Variants in CDH23 observed in about 807,000 individuals in gnomAD.
The protein encoded by CDH23 is cadherin related 23, also known as cadherin-23.
Under a neutral mutation model 317.1 loss-of-function variants are expected in CDH23, and 189 were observed. That is an observed-to-expected ratio of 0.60 (90% CI 0.53 to 0.67). The LOEUF is 0.67. Ranked by LOEUF, CDH23 falls within the 30% of genes least tolerant of loss-of-function variation. The pLI, the probability that CDH23 is intolerant of heterozygous loss-of-function variation, is 0.00. For missense variants in CDH23, 4,401 were observed against 4,592.4 expected, an observed-to-expected ratio of 0.96 and a Z score of 1.20; for synonymous variants, 1,839 against 1,876.8, an observed-to-expected ratio of 0.98 and a Z score of 0.52.
rs867056335 is a variant in CDH23, at chr10:71,759,915, A to G, written c.4846-17765A>G. The stretch of plus-strand genomic sequence containing the variant: ...CACACACACATATATACACACACAC[A>G]TATATACACACACACATATATACAC... On this transcript the variant is annotated intron_variant, in intron 38 of 69. Coordinates refer to ENST00000224721, the MANE Select transcript of CDH23 (RefSeq NM_022124.6). 7.6e-3 allele frequency among the ~76,000 whole-genome samples: 540 copies of G among 70,630 alleles called. 28 individuals carry two copies. The highest frequency in any genetic ancestry group is 0.013 in the African/African-American group (291 of 22,528). The allele number at this position is 70,630 out of a possible 152,430, so 46.3% of individuals were successfully genotyped here.
At chr10:71,402,468 A>T (rs1478917976) in intron 1 of CDH23, among the ~76,000 whole-genome samples, 1 of 152,204 alleles carries the variant, frequency 6.6e-6, no homozygotes, top group Non-Finnish European at 1.5e-5. Context: ...TCTCATCTGT[A>T]AAATGGGAAT....
intron 25 of CDH23, 103 bp downstream of exon 25, chr10:71,705,233 T>G (rs1333441658): frequency 4.5e-6 from 5 of 1,119,738 alleles, no homozygotes; most frequent in Non-Finnish European, 6.3e-6. Flanking sequence ...TGCTGTCTAT[T>G]GGACTTGTAG....
intron 3 of CDH23, among the ~76,000 whole-genome samples, chr10:71,481,803 G>A (rs1189780604): frequency 1.3e-5 from 2 of 152,188 alleles, no homozygotes; most frequent in African/African-American, 2.4e-5. Flanking sequence ...CCCTTGAGAC[G>A]TGGCTGCGTG....
rs538480622 is a variant in CDH23, at chr10:71,481,978, G to A, written c.146-28104G>A. ...GAGCCTGGGCTGCAAAGGGTGGGGGGAGTCGGGGCTGGCGTGAGTGTGAGT... is the reference window on the plus strand; with the variant it reads ...GAGCCTGGGCTGCAAAGGGTGGGGGAAGTCGGGGCTGGCGTGAGTGTGAGT... On this transcript the variant is annotated intron_variant, in intron 3 of 69. Coordinates refer to ENST00000224721, the MANE Select transcript of CDH23 (RefSeq NM_022124.6). Among the ~76,000 whole-genome samples the A allele has an allele frequency of 4.6e-5, 7 of 152,304 alleles. No homozygotes were observed. The East Asian group carries it at 1.4e-3, about 29-fold the overall frequency.
Position 71,784,947 on chromosome 10 carries a change from C to A in CDH23, c.5559C>A (p.Asn1853Lys). The change falls in exon 43 of 70, where the codon AAC becomes AAA. Residue 1853 changes from asparagine (N) to lysine (K), a missense_variant. This residue lies in a region of CDH23 where 3,068 missense variants were observed against 3,203.3 expected (regional missense o/e 0.96). Transcript: ENST00000224721. ...DINDNDPVLL[N>K]LPMNITISEN... ...ACGACAACGACCCTGTGCTGCTGAA[C>A]CTGCCCATGAACATCACCATCAGCG... 1 of 1,614,078 alleles carries A rather than the reference C, an allele frequency of 6.2e-7. No homozygotes were observed. Among genetic ancestry groups the A allele is most frequent in the South Asian group, 1.1e-5 (1 of 91,092 alleles).
chr10:71,483,737 C>G (rs550275035), intron 3 of CDH23, among the ~76,000 whole-genome samples: 1 of 152,194 alleles, frequency 6.6e-6, no homozygotes, highest in African/African-American at 2.4e-5. Flanking sequence ...CAATCCTACA[C>G]CCATTTTTCA....
chr10:71,493,727 A>G (rs1852794731), intron 3 of CDH23, among the ~76,000 whole-genome samples: 1 of 152,210 alleles, frequency 6.6e-6, no homozygotes, highest in Non-Finnish European at 1.5e-5. Context: ...TTTCTAATGC[A>G]ATGTTCCCTA....
intron 38 of CDH23, among the ~76,000 whole-genome samples, chr10:71,777,020 A>G (rs1023863761): frequency 1.3e-5 from 2 of 152,222 alleles, no homozygotes; most frequent in East Asian, 3.8e-4. Flanking sequence ...CAATTGACTC[A>G]AGCATTGGCA....
In CDH23 at chr10:71,650,160, G is replaced by A. The variant is rs528502320; in HGVS notation, c.1449+3543G>A. On this transcript the variant is annotated intron_variant, in intron 14 of 69. Transcript: ENST00000224721. ...TTAGGTGGCGCTCAAGACTTTTAGG[G>A]CCTGTGGCACCACCAGGTGAATTTT... Among the ~76,000 whole-genome samples the A allele has an allele frequency of 2.6e-5, 4 of 152,352 alleles. No individual in the cohort carries two copies. In the South Asian group the frequency reaches 8.3e-4, roughly 32 times the overall value.
In CDH23 at chr10:71,566,950, C is replaced by T. The variant is rs1203960236; in HGVS notation, c.624+14C>T. The T allele has an allele frequency of 1.2e-6, 2 of 1,608,140 alleles. No individual in the cohort carries two copies. Among genetic ancestry groups the T allele is most frequent in the Non-Finnish European group, 1.7e-6 (2 of 1,178,868 alleles). On this transcript the variant is annotated intron_variant, in intron 7 of 69. Coordinates refer to ENST00000224721, the MANE Select transcript of CDH23 (RefSeq NM_022124.6). ...GTCAACGCCACAGTGAGTCTCCATG[C>T]TGGGGCCCCGGCCGTCCCAGCTGCC...
chr10:71,758,336 G>T (rs1840203290), intron 38 of CDH23, among the ~76,000 whole-genome samples: 1 of 152,220 alleles, frequency 6.6e-6, no homozygotes, highest in African/African-American at 2.4e-5. Flanking sequence ...TATCTCCAGG[G>T]CCTAGCAGGG....
chr10:71,601,510 G>A (rs553259641), intron 9 of CDH23, among the ~76,000 whole-genome samples: 2 of 152,310 alleles, frequency 1.3e-5, no homozygotes, highest in South Asian at 4.1e-4. Flanking sequence ...GTAATGCTGA[G>A]GTTCGAACCC....
In CDH23 at chr10:71,803,321, C is replaced by G; in HGVS notation, c.7773C>G (p.Leu2591=). The change falls in exon 55 of 70, where the codon CTC becomes CTG. Residue 2591 remains leucine (L), a synonymous_variant. Coordinates refer to ENST00000224721, the MANE Select transcript of CDH23 (RefSeq NM_022124.6). The part of the protein sequence containing the change: ...VVATDGGEPP[L]WGTTMLLVEV... Reference sequence around the variant, plus strand: ...CCACAGATGGTGGAGAGCCCCCACTCTGGGGCACCACCATGCTCCTGGTGG... The same window carrying G: ...CCACAGATGGTGGAGAGCCCCCACTGTGGGGCACCACCATGCTCCTGGTGG... The G allele has an allele frequency of 6.3e-7, 1 of 1,593,734 alleles. No individual in the cohort carries two copies. The highest frequency in any genetic ancestry group is 8.5e-7 in the Non-Finnish European group (1 of 1,170,172).
chr10:71,612,962 C>T lies in CDH23; in HGVS notation c.833-2542C>T, dbSNP rs530487170. Among the ~76,000 whole-genome samples the T allele has an allele frequency of 1.9e-4, 29 of 152,360 alleles. 1 individual carries two copies. Among genetic ancestry groups the T allele is most frequent in the African/African-American group, 6.7e-4 (28 of 41,588 alleles). On this transcript the variant is annotated intron_variant, in intron 9 of 69. Coordinates refer to ENST00000224721, the MANE Select transcript of CDH23 (RefSeq NM_022124.6). ...CTCCCAGCTTCAAGCGATTCTCATG[C>T]CTCAGCCTCCTGAGTAGCTGGAATT...
At chr10:71,429,519 G>A (rs1849266998) in intron 1 of CDH23, among the ~76,000 whole-genome samples, 1 of 152,192 alleles carries the variant, frequency 6.6e-6, no homozygotes, top group Admixed American at 6.5e-5. Flanking sequence ...CTGGGATCGA[G>A]AATCTGATCA....
In CDH23 at chr10:71,725,507, G is replaced by A. The variant is rs876657755; in HGVS notation, c.3566G>A (p.Arg1189Gln). Residue 1189 changes from arginine to glutamine, a missense_variant, in exon 30 of 70, where the codon CGG becomes CAG. Physicochemically the swap from Arg to Gln is conservative, Grantham distance 43. Around this residue, in one of 3 missense-constraint regions of CDH23, gnomAD observed 3,068 missense variants for 3,203.3 expected, o/e 0.96. Coordinates refer to ENST00000224721, the MANE Select transcript of CDH23 (RefSeq NM_022124.6). ...EAYNHDLGPM[R>Q]SSVRVIVYVE... is the part of the protein sequence containing the mutation. ...TACAACCACGACCTGGGCCCCATGC[G>A]GAGCTCCGTCAGGGTGAGGCTAGGG... The A allele has an allele frequency of 8.7e-6, 14 of 1,613,204 alleles. No homozygotes were observed. The highest frequency in any genetic ancestry group is 3.3e-5 in the South Asian group (3 of 90,930).
Position 71,807,591 on chromosome 10 carries a change from G to C in CDH23, c.8384G>C (p.Arg2795Pro). 6.2e-7 allele frequency: 1 copy of C among 1,613,994 alleles called. No individual in the cohort carries two copies. Among genetic ancestry groups the C allele is most frequent in the Non-Finnish European group, 8.5e-7 (1 of 1,179,892 alleles). ...GTGCTGCGGGACCTGGACCGGGAGC[G>C]AGAAGCCATCTTCTCCTTCATCGTC... ...LLVLRDLDREREAIFSFIVKA... is the reference protein window; with the variant it reads ...LLVLRDLDREPEAIFSFIVKA... Residue 2795 changes from arginine (R) to proline (P), a missense_variant, in exon 59 of 70, where the codon CGA (arginine) becomes CCA (proline). Coordinates refer to ENST00000224721, the MANE Select transcript of CDH23 (RefSeq NM_022124.6).
Position 71,566,854 on chromosome 10 carries a change from A to T in CDH23, c.542A>T (p.Asp181Val), listed in dbSNP as rs1346802659. Residue 181 changes from aspartate to valine, a missense_variant, in exon 7 of 70, where the codon GAC (aspartate) becomes GTC (valine). This residue lies in a region of CDH23 where 3,068 missense variants were observed against 3,203.3 expected (regional missense o/e 0.96). Transcript: ENST00000224721. ...FQPPSQFFAI[D>V]SARGIVTVIR... The stretch of plus-strand genomic sequence containing the variant: ...CCCCCCTCCCAATTCTTCGCCATTG[A>T]CAGCGCCCGCGGTATCGTCACAGTG... 1 of 1,613,890 alleles carries T rather than the reference A, an allele frequency of 6.2e-7. No homozygotes were observed. Among genetic ancestry groups the T allele is most frequent in the Non-Finnish European group, 8.5e-7 (1 of 1,179,872 alleles).
chr10:71,511,039 G>A, intron 5 of CDH23, 38 bp downstream of exon 5: 1 of 1,613,500 alleles, frequency 6.2e-7, no homozygotes, highest in Non-Finnish European at 8.5e-7. Flanking sequence ...ATGTTCCTGG[G>A]GTCACAGGAT....
Sources: allele counts gnomAD v4.1 joint callset (sites outside exome capture counted in the v4.1 genomes callset), GRCh38; gene constraint gnomAD v4.1.1; regional missense constraint gnomAD v4.1.1; transcripts MANE v1.5; gene names NCBI Gene and HGNC (gene_info 2026-07-23, HGNC 2026-07-21).